The following AHCY variants were observed in gnomAD, a reference collection of about 807,000 sequenced individuals.
AHCY encodes S-adenosyl-L-homocysteine hydrolase.
A neutral mutation model predicts 45.4 loss-of-function variants in AHCY; 24 were observed. That is an observed-to-expected ratio of 0.53 (90% CI 0.38 to 0.74). AHCY has a LOEUF of 0.74. Ranked by LOEUF, AHCY falls within the 30% of genes least tolerant of loss-of-function variation. AHCY has a pLI of 0.00. For synonymous variants in AHCY, 245 were observed against 235.1 expected (o/e 1.04, Z -0.39); for missense variants, 449 against 594.1 (o/e 0.76, Z 2.54).
chr20:34,258,164 A>G, the AHCY span, among the ~76,000 whole-genome samples: 3 of 151,674 alleles, frequency 2.0e-5, no homozygotes, highest in African/African-American at 7.3e-5. Flanking sequence ...AGAGAGAAAG[A>G]AAGAAAAGAA....
the AHCY span, among the ~76,000 whole-genome samples, chr20:34,250,961 A>T: frequency 6.6e-6 from 1 of 151,926 alleles, no homozygotes; most frequent in Non-Finnish European, 1.5e-5. Flanking sequence ...TGATCTCAAC[A>T]CTGTTGTCTC....
chr20:34,303,742 C>G (rs1239716402), upstream of AHCY, among the ~76,000 whole-genome samples: 3 of 152,276 alleles, frequency 2.0e-5, no homozygotes, highest in African/African-American at 7.2e-5. Flanking sequence ...ACCTGTAATC[C>G]CAGCACTTTG....
At chr20:34,267,323 T>C in the AHCY span, among the ~76,000 whole-genome samples, 1 of 151,748 alleles carries the variant, frequency 6.6e-6, no homozygotes, top group Non-Finnish European at 1.5e-5. Flanking sequence ...TGTAAGGAAG[T>C]AGCATTTAAA....
At chr20:34,238,950 C>T in the AHCY span, among the ~76,000 whole-genome samples, 78 of 152,276 alleles carry the variant, frequency 5.1e-4, no homozygotes, top group Middle Eastern at 6.8e-3. Context: ...AAAATAGTTA[C>T]AGATTCTGCC....
At chr20:34,264,922 A>T in the AHCY span, among the ~76,000 whole-genome samples, 36 of 151,460 alleles carry the variant, frequency 2.4e-4, no homozygotes, top group Non-Finnish European at 3.2e-4. Flanking sequence ...CAGCCCCACA[A>T]GCAGCTAGGA....
At position 34,280,989 on chromosome 20, in the gene AHCY, C is replaced by T; in HGVS notation, c.*45G>A. On this transcript the variant is annotated 3_prime_UTR_variant, in exon 10 of 10. Coordinates refer to ENST00000217426, the MANE Select transcript of AHCY (RefSeq NM_000687.4). ...TAGCTCTTAGGGAGGAGAGGTGGGG[C>T]CTGGGCAAGGACAGCAGCTGGAGGG... is the stretch of plus-strand genomic sequence containing the variant. 1 of 1,612,826 alleles carries T rather than the reference C, an allele frequency of 6.2e-7. No homozygotes were observed. The highest frequency in any genetic ancestry group is 8.5e-7 in the Non-Finnish European group (1 of 1,179,620).
the AHCY span, among the ~76,000 whole-genome samples, chr20:34,257,174 C>G: frequency 6.1e-3 from 928 of 152,006 alleles, 9 homozygotes; most frequent in African/African-American, 0.021. Context: ...ACTTCCTCCC[C>G]CTGGGTTCAG....
the AHCY span, among the ~76,000 whole-genome samples, chr20:34,239,271 C>A: frequency 4.2e-4 from 64 of 151,906 alleles, 1 homozygote; most frequent in Non-Finnish European, 7.4e-4. Context: ...GGCTGGAGTG[C>A]AGTGGCACAA....
chr20:34,303,977 C>T (rs2036862847), upstream of AHCY, among the ~76,000 whole-genome samples: 1 of 152,072 alleles, frequency 6.6e-6, no homozygotes, highest in Admixed American at 6.6e-5. Flanking sequence ...TGAGCCTGGG[C>T]GAAAGGGCAA....
chr20:34,300,924 C>T (rs529705771), intron 1 of AHCY, among the ~76,000 whole-genome samples: 1 of 152,284 alleles, frequency 6.6e-6, no homozygotes, highest in Admixed American at 6.5e-5. Flanking sequence ...CATGTCTGTG[C>T]CACCCCTGTC....
upstream of AHCY, among the ~76,000 whole-genome samples, chr20:34,307,560 T>TG (rs937112674): frequency 1.1e-4 from 16 of 152,158 alleles, no homozygotes; most frequent in Admixed American, 2.0e-4. Context: ...TTAGTAGAGA[T>TG]GGGGTTTCTC....
At chr20:34,308,933 C>T (rs183805006) in intron 1 of AHCY, among the ~76,000 whole-genome samples, 1,988 of 148,902 alleles carry the variant, frequency 0.013, 56 homozygotes, top group African/African-American at 0.047. Context: ...GGATTACAGG[C>T]GTGAGCCACT....
the AHCY span, among the ~76,000 whole-genome samples, chr20:34,256,730 G>A: frequency 2.0e-5 from 3 of 152,096 alleles, no homozygotes; most frequent in Admixed American, 6.6e-5. Context: ...TACACGTACC[G>A]CCTCCTAATT....
At chr20:34,285,341 G>C in intron 9 of AHCY, 99 bp downstream of exon 9, 1 of 1,351,944 alleles carries the variant, frequency 7.4e-7, no homozygotes, top group Non-Finnish European at 1.1e-6. Context: ...CCTCTAAGAG[G>C]GCAGACAGGC....
At position 34,290,643 on chromosome 20, in the gene AHCY, G is replaced by A. The variant is rs1568797023; in HGVS notation, c.767-5C>T. On this transcript the variant is annotated splice_region_variant and splice_polypyrimidine_tract_variant and intron_variant, in intron 6 of 9. Coordinates refer to ENST00000217426, the MANE Select transcript of AHCY (RefSeq NM_000687.4). This position sits in a 1 kb window ranked among gnomAD's most constrained non-coding sequence, Gnocchi z 4.5. ...CCATGGTGGTCACCTCATAGCCTGTGCAGAGACAGTGGCTGTGGGTCATCT... is the reference window on the plus strand; with the variant it reads ...CCATGGTGGTCACCTCATAGCCTGTACAGAGACAGTGGCTGTGGGTCATCT... The A allele has an allele frequency of 1.2e-6, 2 of 1,613,964 alleles. No homozygotes were observed. The highest frequency in any genetic ancestry group is 1.7e-6 in the Non-Finnish European group (2 of 1,180,016).
chr20:34,305,303 G>A (rs1165000971), upstream of AHCY, among the ~76,000 whole-genome samples: 2 of 152,016 alleles, frequency 1.3e-5, no homozygotes, highest in Non-Finnish European at 2.9e-5. Flanking sequence ...CGGCCTGGGC[G>A]ACGGAGGGAG....
At chr20:34,238,974 G>C in the AHCY span, among the ~76,000 whole-genome samples, 3 of 152,066 alleles carry the variant, frequency 2.0e-5, no homozygotes, top group African/African-American at 7.2e-5. Context: ...ACAAGTTTTG[G>C]TTAGGTAAGG....
intron 9 of AHCY, among the ~76,000 whole-genome samples, chr20:34,283,498 A>G (rs1376285531): frequency 4.6e-5 from 7 of 152,208 alleles, no homozygotes; most frequent in Non-Finnish European, 1.5e-5. Context: ...CATGATGCCA[A>G]GAGTGTCCTG....
chr20:34,300,129 G>A (rs2036720945), intron 1 of AHCY, among the ~76,000 whole-genome samples: 1 of 152,116 alleles, frequency 6.6e-6, no homozygotes, highest in South Asian at 2.1e-4. Context: ...AGGTGGCAGT[G>A]AGCTAAAATA....
Sources: allele counts gnomAD v4.1 joint callset (sites outside exome capture counted in the v4.1 genomes callset), GRCh38; gene constraint gnomAD v4.1.1; non-coding constraint Gnocchi (gnomAD v3.1); transcripts MANE v1.5; gene names NCBI Gene and HGNC (gene_info 2026-07-23, HGNC 2026-07-21).